Variants in SETD9 observed in about 807,000 individuals in gnomAD.
SETD9 encodes SET domain containing 9.
SETD9 carries 37 observed loss-of-function variants against 36.4 expected under a neutral mutation model. That is an observed-to-expected ratio of 1.02 (90% CI 0.78 to 1.34). SETD9 has a LOEUF of 1.34. SETD9 is among the 40% of genes most tolerant of loss of function. The pLI is 0.00. For synonymous variants in SETD9, 128 were observed against 132.9 expected, an observed-to-expected ratio of 0.96 and a Z score of 0.26; for missense variants, 323 against 353.2, an observed-to-expected ratio of 0.91 and a Z score of 0.69.
At chr5:56,928,542 T>C (rs1488387026), downstream of SETD9, 9 of 339,484 alleles carry the variant, frequency 2.7e-5, no homozygotes, top group Non-Finnish European at 4.3e-5. Context: ...GTGAGTCCAC[T>C]TTCTGTGTCA....
chr5:56,918,349 G>A (rs1749512393), downstream of SETD9, among the ~76,000 whole-genome samples: 1 of 152,138 alleles, frequency 6.6e-6, no homozygotes, highest in African/African-American at 2.4e-5. Context: ...TCACCTCAGT[G>A]AGGAGCGTTG....
chr5:56,928,793 C>G, downstream of SETD9: 1 of 1,613,416 alleles, frequency 6.2e-7, no homozygotes. Flanking sequence ...AGATGAAAAT[C>G]TTTTCCAAAA....
downstream of SETD9, among the ~76,000 whole-genome samples, chr5:56,926,191 G>C (rs961304203): frequency 6.6e-6 from 1 of 152,004 alleles, no homozygotes; most frequent in African/African-American, 2.4e-5. Flanking sequence ...GTTTGGCAAT[G>C]ATTTTTTTAA....
At chr5:56,911,681 C>T (rs940334468) in intron 2 of SETD9, 145 bp downstream of exon 2, 39 of 822,828 alleles carry the variant, frequency 4.7e-5, no homozygotes, top group African/African-American at 7.0e-5. Context: ...AATTCTAATT[C>T]GGAAATTAAC....
chr5:56,911,172 C>A lies in SETD9; in HGVS notation c.102C>A (p.Thr34=). ...IALNLSHNPR[T]LRYVPEESKD... is the part of the protein sequence containing the mutation. Reference sequence around the variant, plus strand: ...TAGAAACTTTTCCCATTTTCAGGACCCTCCGATATGTTCCAGAGGAATCCA... The same window carrying A: ...TAGAAACTTTTCCCATTTTCAGGACACTCCGATATGTTCCAGAGGAATCCA... The change falls in exon 2 of 6, where the codon ACC becomes ACA. Residue 34 remains threonine (T), a synonymous_variant. Coordinates refer to ENST00000285947, the MANE Select transcript of SETD9 (RefSeq NM_153706.4). The A allele has an allele frequency of 6.5e-7, 1 of 1,530,154 alleles. No individual in the cohort carries two copies. The highest frequency in any genetic ancestry group is 8.7e-7 in the Non-Finnish European group (1 of 1,143,636). The allele number at this position is 1,530,154 out of a possible 1,614,324, so 94.8% of individuals were successfully genotyped here. A position where few individuals can be genotyped will look rare whatever the true frequency, so the allele number is the denominator to read the frequency against.
rs1247221975 is a variant in SETD9, at chr5:56,911,522, T to G, written c.452T>G (p.Val151Gly). ...GGATTGGTACCAAAAGGCGCAGTCG[T>G]ATCTATGTATCCTGGTAACAGCACG... ...TKGLVPKGAV[V>G]SMYPGTVYQK... The change falls in exon 2 of 6, where the codon GTA becomes GGA. Residue 151 changes from valine (V) to glycine (G), a missense_variant. Coordinates refer to ENST00000285947, the MANE Select transcript of SETD9 (RefSeq NM_153706.4). 5.7e-6 allele frequency: 9 copies of G among 1,566,788 alleles called. No individual in the cohort carries two copies.
At chr5:56,915,001 CT>C (rs1749355426) in intron 5 of SETD9, 35 bp downstream of exon 5, 1 of 1,441,038 alleles carries the variant, frequency 6.9e-7, no homozygotes, top group South Asian at 1.4e-5. Context: ...ATATCTTCTG[CT>C]TATGCTGTAC....
chr5:56,910,236 G>C, intron 1 of SETD9: 1 of 1,296,040 alleles, frequency 7.7e-7, no homozygotes, highest in Non-Finnish European at 1.0e-6. Flanking sequence ...AACTTCCTCA[G>C]AAAAGCCAAG....
At chr5:56,909,961 G>T in intron 1 of SETD9, 2 of 1,191,450 alleles carry the variant, frequency 1.7e-6, no homozygotes, top group Non-Finnish European at 2.3e-6. Flanking sequence ...GGCCGAGGTT[G>T]GTGGAGTCCG....
chr5:56,913,208 C>T (rs1749242935), intron 3 of SETD9, 74 bp downstream of exon 3: 2 of 1,482,260 alleles, frequency 1.3e-6, no homozygotes, highest in East Asian at 2.3e-5. Context: ...TGACTAATAG[C>T]ATTTGTACTT....
At chr5:56,913,276 A>C (rs1579811893) in intron 3 of SETD9, 142 bp downstream of exon 3, 2 of 969,632 alleles carry the variant, frequency 2.1e-6, no homozygotes, top group South Asian at 2.2e-5. Context: ...CTGGTTTTGA[A>C]CTCCTGGCCT....
intron 2 of SETD9, among the ~76,000 whole-genome samples, chr5:56,912,456 C>G (rs1308376712): frequency 6.6e-6 from 1 of 152,106 alleles, no homozygotes; most frequent in Non-Finnish European, 1.5e-5. Context: ...CAGTTTCCTG[C>G]TGTACGAGTA....
Position 56,923,695 on chromosome 5 carries a change from C to T in SETD9, c.813-1638C>T, listed in dbSNP as rs200728399. 9.9e-6 allele frequency: 16 copies of T among 1,614,168 alleles called. No homozygotes were observed. The South Asian group carries it at 1.6e-4, about 17-fold the overall frequency. On this transcript the variant is annotated intron_variant, in intron 5 of 5. Coordinates refer to the SETD9 transcript ENST00000628593. ...GCAGAAAGGTCTTCATTTTACCTGT[C>T]AAGTCACTGGCAGTGAAGGAGTTGA...
At chr5:56,910,372 G>C in intron 1 of SETD9, 1 of 1,304,186 alleles carries the variant, frequency 7.7e-7, no homozygotes, top group South Asian at 1.2e-5. Context: ...AAAGCACGTC[G>C]GGATGGTGGG....
chr5:56,923,762 G>T, intron 5 of SETD9: 1 of 1,614,204 alleles, frequency 6.2e-7, no homozygotes. Context: ...AGGCCGGTTA[G>T]AAGTTAAGGC....
At chr5:56,915,003 T>A in intron 5 of SETD9, 37 bp downstream of exon 5, 1 of 1,404,292 alleles carries the variant, frequency 7.1e-7, no homozygotes, top group Non-Finnish European at 9.7e-7. Context: ...ATCTTCTGCT[T>A]ATGCTGTACT....
chr5:56,910,122 TG>T, intron 1 of SETD9: 1 of 1,237,924 alleles, frequency 8.1e-7, no homozygotes, highest in Non-Finnish European at 1.0e-6. Context: ...CGGCACTGAC[TG>T]GGGAGCTTGT....
At chr5:56,919,274 C>T (rs1022199493), downstream of SETD9, among the ~76,000 whole-genome samples, 9 of 151,978 alleles carry the variant, frequency 5.9e-5, no homozygotes, top group South Asian at 8.3e-4. Context: ...TACAGGCATG[C>T]GCCACCTCGC....
intron 5 of SETD9, 115 bp from the exon 6 acceptor site, chr5:56,916,700 C>A: frequency 1.9e-6 from 2 of 1,044,788 alleles, no homozygotes; most frequent in Non-Finnish European, 1.4e-6. Context: ...AATGCATAAA[C>A]TAAAATGGAA....
Sources: allele counts gnomAD v4.1 joint callset (sites outside exome capture counted in the v4.1 genomes callset), GRCh38; gene constraint gnomAD v4.1.1; transcripts MANE v1.5; gene names NCBI Gene and HGNC (gene_info 2026-07-23, HGNC 2026-07-21).